Variants in DPYS observed in about 807,000 individuals in gnomAD.
DPYS encodes the protein dihydropyrimidine amidohydrolase.
A neutral mutation model predicts 50.3 loss-of-function variants in DPYS; 39 were observed. The observed-to-expected ratio is 0.78, with a 90% CI of 0.60 to 1.01. DPYS has a LOEUF of 1.01. DPYS is among the 50% of genes least tolerant of loss of function. The pLI, the probability that DPYS is intolerant of heterozygous loss-of-function variation, is 0.00. For synonymous variants in DPYS, 245 were observed against 250.7 expected (o/e 0.98, Z 0.22); for missense variants, 659 against 680.9 (o/e 0.97, Z 0.36).
Position 104,461,036 on chromosome 8 carries a change from C to A in DPYS, c.264+5621G>T, listed in dbSNP as rs112036382. ...CAGTGGCTCACACCTGTAATCCCAG[C>A]ACTTTGGGAGGCTGAGGTGAGTATA... On this transcript the variant is annotated intron_variant, in intron 1 of 9. Transcript: ENST00000351513. 1.6e-3 allele frequency among the ~76,000 whole-genome samples: 241 copies of A among 151,172 alleles called. 1 individual carries two copies. The highest frequency in any genetic ancestry group is 5.6e-3 in the African/African-American group (229 of 41,132).
intron 8 of DPYS, among the ~76,000 whole-genome samples, chr8:104,381,619 C>A (rs1409561501): frequency 1.3e-5 from 2 of 152,178 alleles, no homozygotes; most frequent in Admixed American, 6.5e-5. Context: ...AACATCCGAC[C>A]TTTTCTTCTA....
chr8:104,463,789 C>T (rs931016139), intron 1 of DPYS, among the ~76,000 whole-genome samples: 1 of 152,186 alleles, frequency 6.6e-6, no homozygotes, highest in Non-Finnish European at 1.5e-5. Context: ...CTCTAGCTCC[C>T]CAAAACAAAC....
At chr8:104,380,126 C>A (rs116822315) in intron 9 of DPYS, among the ~76,000 whole-genome samples, 5 of 152,208 alleles carry the variant, frequency 3.3e-5, no homozygotes, top group African/African-American at 1.2e-4. Flanking sequence ...AAAGACACAA[C>A]ATTCAATAAT....
chr8:104,427,952 A>C lies in DPYS; in HGVS notation c.1092+28T>G. 3 of 1,613,552 alleles carry C rather than the reference A, an allele frequency of 1.9e-6. No homozygotes were observed. In the East Asian group the frequency reaches 6.7e-5, roughly 36 times the overall value. On this transcript the variant is annotated intron_variant, in intron 6 of 9. Coordinates refer to ENST00000351513, the MANE Select transcript of DPYS (RefSeq NM_001385.3). ...AGGATCCTGGCTGAAGAACTAGGCA[A>C]AGCAAGGCTGGAACCTGTGAAACCC...
intron 4 of DPYS, among the ~76,000 whole-genome samples, chr8:104,435,079 G>A (rs1813090274): frequency 1.3e-5 from 2 of 152,142 alleles, no homozygotes; most frequent in Non-Finnish European, 1.5e-5. Flanking sequence ...AAGTACAAAG[G>A]TGAAGTGAAC....
chr8:104,422,591 C>T (rs921243797), intron 7 of DPYS, among the ~76,000 whole-genome samples: 5 of 152,170 alleles, frequency 3.3e-5, no homozygotes, highest in African/African-American at 7.2e-5. Flanking sequence ...AGAGCTGTGA[C>T]GTACAGATTA....
intron 4 of DPYS, among the ~76,000 whole-genome samples, chr8:104,430,237 T>C (rs551179224): frequency 4.3e-4 from 65 of 152,252 alleles, no homozygotes; most frequent in Middle Eastern, 3.4e-3. Context: ...TGCAAATCAA[T>C]TGATAATCTT....
At chr8:104,406,634 C>T (rs1962267) in intron 7 of DPYS, among the ~76,000 whole-genome samples, 45,126 of 152,098 alleles carry the variant, frequency 0.3, 8,541 homozygotes, top group Non-Finnish European at 0.42. Context: ...CTGGTCCTTG[C>T]TCTTCCCACT....
intron 7 of DPYS, among the ~76,000 whole-genome samples, chr8:104,419,312 C>T (rs1463687503): frequency 2.0e-5 from 3 of 152,152 alleles, no homozygotes; most frequent in African/African-American, 4.8e-5. Context: ...TCTTCCATGC[C>T]GTGTGGAAGG....
chr8:104,427,400 T>C (rs985758550), intron 6 of DPYS, among the ~76,000 whole-genome samples: 7 of 151,156 alleles, frequency 4.6e-5, no homozygotes, highest in East Asian at 2.0e-4. Context: ...TGCCTCAGCC[T>C]CCTGAGTAGC....
In DPYS at chr8:104,390,838, C is replaced by T. The variant is rs574984972; in HGVS notation, c.1443+1946G>A. Among the ~76,000 whole-genome samples, 5 of 152,158 alleles carry T rather than the reference C, an allele frequency of 3.3e-5. No homozygotes were observed. In the South Asian group the frequency reaches 8.3e-4, roughly 25 times the overall value. ...AAGTGAAAAAAATACCTCCCTCCCT[C>T]CCAGGGTTATTATAGTGACAGAGAC... On this transcript the variant is annotated intron_variant, in intron 8 of 9. Coordinates refer to ENST00000351513, the MANE Select transcript of DPYS (RefSeq NM_001385.3).
intron 8 of DPYS, among the ~76,000 whole-genome samples, chr8:104,391,964 G>A (rs1811402399): frequency 6.6e-6 from 1 of 152,104 alleles, no homozygotes; most frequent in Admixed American, 6.5e-5. Context: ...TTGTTAGGAA[G>A]GAAACATTGT....
intron 7 of DPYS, chr8:104,420,059 C>G (rs1346352324): frequency 6.2e-5 from 1 of 16,188 alleles, no homozygotes; most frequent in East Asian, 1.0e-3. Context: ...TGGAACTAGA[C>G]TCAAGAATAT....
At chr8:104,405,521 A>G (rs1367860783) in intron 7 of DPYS, among the ~76,000 whole-genome samples, 1 of 152,242 alleles carries the variant, frequency 6.6e-6, no homozygotes, top group African/African-American at 2.4e-5. Flanking sequence ...GTGGTGGTGC[A>G]TGCTAACATT....
rs759805952 is a variant in DPYS, at chr8:104,415,218, A to G, written c.1235+9029T>C. Among the ~76,000 whole-genome samples the G allele has an allele frequency of 4.5e-4, 68 of 152,234 alleles. 1 individual carries two copies. Among genetic ancestry groups the G allele is most frequent in the Admixed American group, 2.6e-4 (4 of 15,282 alleles). On this transcript the variant is annotated intron_variant, in intron 7 of 9. Transcript: ENST00000351513. ...TCAAAGATATAAAAACATAGAATCT[A>G]TGTCAGGTAGGAAGAAAAATACAGC...
At chr8:104,383,724 C>T (rs73304440) in intron 8 of DPYS, among the ~76,000 whole-genome samples, 176 of 152,190 alleles carry the variant, frequency 1.2e-3, no homozygotes, top group African/African-American at 4.0e-3. Flanking sequence ...ATCTCAGCCG[C>T]CCAAGTAGCT....
chr8:104,423,908 CT>C, intron 7 of DPYS: 1 of 871,478 alleles, frequency 1.1e-6, no homozygotes, highest in African/African-American at 1.8e-5. Flanking sequence ...CAATTCAACC[CT>C]TTTCAAACTA....
chr8:104,381,852 T>TCTCACACACACACA (rs1554689945), intron 8 of DPYS, among the ~76,000 whole-genome samples: 1 of 123,872 alleles, frequency 8.1e-6, no homozygotes, highest in Non-Finnish European at 1.7e-5. Flanking sequence ...AGTTTTGAAA[T>TCTCACACACACACA]CACACACACA....
Position 104,429,716 on chromosome 8 carries a change from A to G in DPYS, c.794-15T>C, listed in dbSNP as rs1324875027. Reference sequence around the variant, plus strand: ...GACCACCTTCCCTGGAAAGATTAAAAGAAGCATTCATCACTTTAATTTTAT... The same window carrying G: ...GACCACCTTCCCTGGAAAGATTAAAGGAAGCATTCATCACTTTAATTTTAT... On this transcript the variant is annotated splice_polypyrimidine_tract_variant and intron_variant, in intron 4 of 9. Transcript: ENST00000351513. 1 of 1,614,060 alleles carries G rather than the reference A, an allele frequency of 6.2e-7. No homozygotes were observed. The highest frequency in any genetic ancestry group is 8.5e-7 in the Non-Finnish European group (1 of 1,179,980).
Sources: allele counts gnomAD v4.1 joint callset (sites outside exome capture counted in the v4.1 genomes callset), GRCh38; gene constraint gnomAD v4.1.1; transcripts MANE v1.5; gene names NCBI Gene and HGNC (gene_info 2026-07-23, HGNC 2026-07-21).